IL19: variants seen among roughly 807,000 people sequenced by gnomAD.
IL19 encodes the protein interleukin-19.
Under a neutral mutation model 19.5 loss-of-function variants are expected in IL19, and 15 were observed. That is an observed-to-expected ratio of 0.77 (90% confidence interval 0.52 to 1.19). The LOEUF (loss-of-function observed/expected upper bound fraction) is 1.19, where lower values mean the gene tolerates loss of function less well. Ranked by LOEUF, IL19 falls within the 50% of genes most tolerant of loss-of-function variation. IL19 has a pLI of 0.00. For missense variants in IL19, 199 were observed against 213.1 expected (o/e 0.93, Z 0.41); for synonymous variants, 78 against 78.3 (o/e 1.00, Z 0.02).
chr1:206,822,316 A>G (rs1676309508), intron 2 of IL19, among the ~76,000 whole-genome samples: 1 of 152,214 alleles, frequency 6.6e-6, no homozygotes, highest in Non-Finnish European at 1.5e-5. Context: ...AGCTATGGGC[A>G]AAGTTGGCAC....
Position 206,788,671 on chromosome 1 carries a change from C to T in IL19, c.-148-10190C>T, listed in dbSNP as rs181098469. On this transcript the variant is annotated intron_variant, in intron 1 of 6. Transcript: ENST00000659997. Reference sequence around the variant, plus strand: ...CCCTTCCCTCATTGCCCCTCACTGCCCCAGGACCAGATTAGTTGAGGCAGA... The same window carrying T: ...CCCTTCCCTCATTGCCCCTCACTGCTCCAGGACCAGATTAGTTGAGGCAGA... Among the ~76,000 whole-genome samples, 722 of 152,208 alleles carry T rather than the reference C, an allele frequency of 4.7e-3. 9 individuals carry two copies. Among genetic ancestry groups the T allele is most frequent in the African/African-American group, 0.017 (694 of 41,520 alleles).
At chr1:206,838,456 A>G (rs901021215) in intron 4 of IL19, among the ~76,000 whole-genome samples, 2 of 152,218 alleles carry the variant, frequency 1.3e-5, no homozygotes, top group African/African-American at 4.8e-5. Flanking sequence ...TGTGGTGAAG[A>G]GATGTAGCCA....
At chr1:206,783,909 C>G (rs1380026535) in intron 1 of IL19, among the ~76,000 whole-genome samples, 1 of 152,182 alleles carries the variant, frequency 6.6e-6, no homozygotes, top group African/African-American at 2.4e-5. Flanking sequence ...AGTGACTGTA[C>G]ACAATGCTTG....
chr1:206,776,785 G>A (rs909652638), intron 1 of IL19, among the ~76,000 whole-genome samples: 7 of 151,932 alleles, frequency 4.6e-5, no homozygotes, highest in Non-Finnish European at 7.4e-5. Flanking sequence ...TCGCCTGAGA[G>A]CACAGCGGGA....
At chr1:206,798,158 T>G (rs1039815543) in intron 1 of IL19, among the ~76,000 whole-genome samples, 5 of 152,148 alleles carry the variant, frequency 3.3e-5, no homozygotes, top group Non-Finnish European at 5.9e-5. Context: ...TTTTTTGAGA[T>G]GGGGTCTCAC....
chr1:206,814,690 T>TCACACA (rs34474731), intron 2 of IL19, among the ~76,000 whole-genome samples: 2,016 of 140,532 alleles, frequency 0.014, 13 homozygotes, highest in Middle Eastern at 0.021. Flanking sequence ...TGAAACTCTG[T>TCACACA]CACACACACA....
Position 206,839,702 on chromosome 1 carries a change from G to C in IL19, c.211-148G>C, listed in dbSNP as rs532881652. ...ATAAGTAGCTTTGATGGGAATAAGA[G>C]AGGATGAACACTCTGAGACCATTAC... is the stretch of plus-strand genomic sequence containing the variant. On this transcript the variant is annotated intron_variant, in intron 4 of 6. Transcript: ENST00000659997. 780 of 695,288 alleles carry C rather than the reference G, an allele frequency of 1.1e-3. 12 individuals are homozygous for C. In the South Asian group the frequency reaches 0.013, roughly 12 times the overall value. The allele number at this position is 695,288 out of a possible 1,614,324, so 43.1% of individuals were successfully genotyped here. A position where few individuals can be genotyped will look rare whatever the true frequency, so the allele number is the denominator to read the frequency against.
rs1558615988 is a variant in IL19 at position 206,814,722 on chromosome 1, AC to A, written c.-3+15717del. On this transcript the variant is annotated intron_variant, in intron 2 of 6. Coordinates refer to ENST00000659997, the MANE Select transcript of IL19 (RefSeq NM_153758.5). ...CACACACACACACACACACACACACACACAATTCACTTTGAACATATGCAGA... is the reference window on the plus strand; with the variant it reads ...CACACACACACACACACACACACACAACAATTCACTTTGAACATATGCAGA... Among the ~76,000 whole-genome samples, 1,103 of 151,398 alleles carry A rather than the reference AC, an allele frequency of 7.3e-3. 23 individuals carry two copies. The highest frequency in any genetic ancestry group is 0.025 in the African/African-American group (1,026 of 41,028).
At chr1:206,814,123 A>G (rs1418595346) in intron 2 of IL19, among the ~76,000 whole-genome samples, 1 of 152,100 alleles carries the variant, frequency 6.6e-6, no homozygotes. Context: ...ACCTATTTGC[A>G]TATATTTAAA....
At chr1:206,837,524 C>T (rs1407914801) in intron 4 of IL19, among the ~76,000 whole-genome samples, 1 of 151,970 alleles carries the variant, frequency 6.6e-6, no homozygotes, top group Non-Finnish European at 1.5e-5. Flanking sequence ...TTATAAAGGT[C>T]CCTGGAGCCA....
At chr1:206,810,293 T>C (rs997711711) in intron 2 of IL19, among the ~76,000 whole-genome samples, 5 of 152,288 alleles carry the variant, frequency 3.3e-5, no homozygotes, top group Admixed American at 2.6e-4. Flanking sequence ...GGCTCTAAAA[T>C]TTCTTGGTTG....
intron 1 of IL19, among the ~76,000 whole-genome samples, chr1:206,780,743 C>T (rs1246360958): frequency 2.6e-5 from 4 of 152,168 alleles, no homozygotes; most frequent in East Asian, 1.9e-4. Context: ...GAATGCAATT[C>T]TTTTTCAGAT....
At chr1:206,804,372 T>A (rs904683331) in intron 2 of IL19, among the ~76,000 whole-genome samples, 2 of 152,222 alleles carry the variant, frequency 1.3e-5, no homozygotes, top group African/African-American at 4.8e-5. Flanking sequence ...GATAACCTTT[T>A]CAAATTGTTG....
At chr1:206,836,851 C>T (rs778732021) in intron 3 of IL19, 45 bp downstream of exon 3, 4 of 1,607,354 alleles carry the variant, frequency 2.5e-6, no homozygotes, top group Non-Finnish European at 2.6e-6. Context: ...GAGTATCCCT[C>T]CCCTTACATC....
intron 2 of IL19, among the ~76,000 whole-genome samples, chr1:206,799,837 C>G (rs1317635347): frequency 6.6e-6 from 1 of 152,212 alleles, no homozygotes. Flanking sequence ...ACCCTCTGAT[C>G]AATCCTATGG....
chr1:206,825,407 C>G (rs957772755), intron 2 of IL19, among the ~76,000 whole-genome samples: 2 of 152,208 alleles, frequency 1.3e-5, no homozygotes, highest in Non-Finnish European at 2.9e-5. Flanking sequence ...TTTCTCCTGG[C>G]TTAATAACTC....
chr1:206,807,350 C>A (rs1408269295), intron 2 of IL19, among the ~76,000 whole-genome samples: 2 of 152,194 alleles, frequency 1.3e-5, no homozygotes, highest in Non-Finnish European at 2.9e-5. Context: ...TTGCCTGATT[C>A]CACCTCTGCA....
chr1:206,835,314 G>T (rs1190983979), intron 2 of IL19, among the ~76,000 whole-genome samples: 1 of 152,170 alleles, frequency 6.6e-6, no homozygotes, highest in African/African-American at 2.4e-5. Flanking sequence ...GCCCATCCTT[G>T]TTTAGCCAGA....
chr1:206,781,763 T>C (rs1475855777), intron 1 of IL19, among the ~76,000 whole-genome samples: 1 of 151,364 alleles, frequency 6.6e-6, no homozygotes, highest in African/African-American at 2.4e-5. Context: ...AAGTCAGCTG[T>C]TGGCGAACTA....
Sources: gnomAD v4.1 joint callset for allele counts (sites outside exome capture counted in the v4.1 genomes callset) on GRCh38, gnomAD v4.1.1 for gene constraint, MANE v1.5 for transcripts, NCBI Gene and HGNC (gene_info 2026-07-23, HGNC 2026-07-21) for gene names.